The following CORO2A variants were observed in gnomAD, a reference collection of about 807,000 sequenced individuals.
The protein encoded by CORO2A is coronin-2A.
CORO2A carries 47 observed loss-of-function variants against 62.4 expected under a neutral mutation model. The observed-to-expected ratio is 0.75, with a 90% confidence interval of 0.60 to 0.96. CORO2A has a LOEUF of 0.96. CORO2A is among the 40% of genes least tolerant of loss of function. The pLI is 0.00. For synonymous variants in CORO2A, 273 were observed against 268.9 expected (o/e 1.02, Z -0.15); for missense variants, 610 against 684.1 (o/e 0.89, Z 1.21).
chr9:98,166,643 C>A (rs539721750), intron 1 of CORO2A, among the ~76,000 whole-genome samples: 1 of 152,114 alleles, frequency 6.6e-6, no homozygotes, highest in East Asian at 1.9e-4. Flanking sequence ...AACGATCATA[C>A]GATTCAGCAA....
intron 1 of CORO2A, among the ~76,000 whole-genome samples, chr9:98,160,982 A>G (rs1827877514): frequency 6.6e-6 from 1 of 152,208 alleles, no homozygotes. Flanking sequence ...TGCATCTATA[A>G]GGTAGTTGGT....
chr9:98,157,712 G>A, intron 1 of CORO2A, 52 bp from the exon 2 acceptor site: 5 of 1,510,570 alleles, frequency 3.3e-6, no homozygotes, highest in Non-Finnish European at 4.5e-6. Flanking sequence ...CCTGATCATG[G>A]GACACACAGA....
At chr9:98,150,014 C>A (rs1047982106) in intron 2 of CORO2A, among the ~76,000 whole-genome samples, 5 of 151,700 alleles carry the variant, frequency 3.3e-5, no homozygotes, top group Admixed American at 6.6e-5. Flanking sequence ...TCACTGCAAC[C>A]TCCACCTCCT....
chr9:98,123,490 T>C lies in CORO2A; in HGVS notation c.*1284A>G. 1 of 148,956 alleles carries C rather than the reference T, an allele frequency of 6.7e-6. No individual in the cohort carries two copies. The allele number at this position is 148,956 out of a possible 1,614,324, so 9.2% of individuals were successfully genotyped here. A position where few individuals can be genotyped will look rare whatever the true frequency, so the allele number is the denominator to read the frequency against. On this transcript the variant is annotated 3_prime_UTR_variant, in exon 12 of 12. Coordinates refer to ENST00000375077, the MANE Select transcript of CORO2A (RefSeq NM_052820.4). ...TCCTGCTTAGTCTTCCCCTATTCTC[T>C]CTCTCTTTTTTTTTTTTTTTTTGGA...
chr9:98,126,456 C>T (rs1827319907), intron 11 of CORO2A, 93 bp downstream of exon 11: 5 of 1,495,174 alleles, frequency 3.3e-6, no homozygotes, highest in Non-Finnish European at 4.5e-6. Flanking sequence ...TTATTCTTCT[C>T]ATGCCTCATT....
chr9:98,146,806 TG>T (rs1163386931), intron 2 of CORO2A, among the ~76,000 whole-genome samples: 3 of 152,202 alleles, frequency 2.0e-5, no homozygotes, highest in African/African-American at 7.2e-5. Flanking sequence ...CGACCTCATC[TG>T]TGCAATGGGG....
At chr9:98,182,531 C>T (rs923479356) in intron 1 of CORO2A, among the ~76,000 whole-genome samples, 10 of 152,186 alleles carry the variant, frequency 6.6e-5, no homozygotes, top group Non-Finnish European at 1.3e-4. Flanking sequence ...TCTGAGCTGG[C>T]ATTGTGGAGA....
intron 1 of CORO2A, among the ~76,000 whole-genome samples, chr9:98,160,023 G>A (rs376289669): frequency 9.2e-5 from 14 of 152,312 alleles, no homozygotes; most frequent in African/African-American, 2.9e-4. Context: ...AGCGATAAGG[G>A]CCTGACCCCT....
chr9:98,134,562 A>G (rs1268292427), intron 4 of CORO2A, among the ~76,000 whole-genome samples: 1 of 152,178 alleles, frequency 6.6e-6, no homozygotes, highest in Non-Finnish European at 1.5e-5. Context: ...CACAGAGAGA[A>G]GGCCGTGTGA....
At chr9:98,132,436 A>G in intron 5 of CORO2A, 135 bp from the exon 6 acceptor site, 1 of 661,834 alleles carries the variant, frequency 1.5e-6, no homozygotes, top group Non-Finnish European at 2.7e-6. Context: ...CTCTGCCTGG[A>G]GATTCTTCCC....
chr9:98,184,768 G>A (rs58069841), intron 1 of CORO2A, among the ~76,000 whole-genome samples: 48,226 of 151,890 alleles, frequency 0.32, 8,628 homozygotes, highest in African/African-American at 0.5. Context: ...GGGGTGTGTG[G>A]TTAATGGCGG....
At chr9:98,183,999 C>T (rs1475483386) in intron 1 of CORO2A, among the ~76,000 whole-genome samples, 1 of 152,108 alleles carries the variant, frequency 6.6e-6, no homozygotes, top group African/African-American at 2.4e-5. Flanking sequence ...AGTTACATAG[C>T]ATTTACATTG....
rs756457570 is a variant in CORO2A, at chr9:98,157,570, T to C, written c.91A>G (p.Ile31Val). 70 of 1,613,998 alleles carry C rather than the reference T, an allele frequency of 4.3e-5. No homozygotes were observed. The highest frequency in any genetic ancestry group is 5.7e-5 in the Non-Finnish European group (67 of 1,180,012). ...SKENCYDSVP[I>V]TRSVHDNHFC... ...TGGTTGTCGTGAACGCTGCGGGTGA[T>C]AGGCACGGAGTCGTAGCAGTTCTCC... Residue 31 changes from isoleucine to valine, a missense_variant, in exon 2 of 12, where the codon ATC becomes GTC. Ile to Val is a conservative substitution (Grantham distance 29). Coordinates refer to ENST00000375077, the MANE Select transcript of CORO2A (RefSeq NM_052820.4).
intron 1 of CORO2A, among the ~76,000 whole-genome samples, chr9:98,165,832 G>A (rs1213305536): frequency 2.6e-5 from 4 of 152,128 alleles, no homozygotes; most frequent in Non-Finnish European, 5.9e-5. Context: ...CTTTTTATTT[G>A]CAAATTCTCA....
intron 2 of CORO2A, among the ~76,000 whole-genome samples, chr9:98,152,061 C>T (rs1045201927): frequency 6.6e-6 from 1 of 151,774 alleles, no homozygotes; most frequent in Non-Finnish European, 1.5e-5. Context: ...AGATGATCCA[C>T]CTGCCTTGGC....
chr9:98,141,408 G>A (rs1827565770), intron 2 of CORO2A, among the ~76,000 whole-genome samples: 1 of 150,174 alleles, frequency 6.7e-6, no homozygotes, highest in Non-Finnish European at 1.5e-5. Flanking sequence ...CTGGGGTGCA[G>A]CGGTGCGATC....
At chr9:98,148,800 C>A (rs919278769) in intron 2 of CORO2A, among the ~76,000 whole-genome samples, 5 of 132,006 alleles carry the variant, frequency 3.8e-5, no homozygotes, top group African/African-American at 8.5e-5. Context: ...AACACACACA[C>A]ACAAAACACA....
intron 2 of CORO2A, among the ~76,000 whole-genome samples, chr9:98,156,916 G>C (rs1246780250): frequency 6.6e-6 from 1 of 152,154 alleles, no homozygotes; most frequent in Non-Finnish European, 1.5e-5. Context: ...ACTCAGGGTT[G>C]GCATCCTGAA....
rs7861431 is a variant in CORO2A, at chr9:98,132,765, G to A, written c.648+273C>T. On this transcript the variant is annotated intron_variant, in intron 5 of 11. Coordinates refer to ENST00000375077, the MANE Select transcript of CORO2A (RefSeq NM_052820.4). The stretch of plus-strand genomic sequence containing the variant: ...GACCCCCTGGCCAGAGCTGAGGCAC[G>A]CCAACAAGCTTTGGAGTCAGACCAG... Among the ~76,000 whole-genome samples the A allele has an allele frequency of 0.019, 2,932 of 152,302 alleles. 98 individuals are homozygous for A. Among genetic ancestry groups the A allele is most frequent in the African/African-American group, 0.066 (2,752 of 41,560 alleles).
Sources: allele counts gnomAD v4.1 joint callset (sites outside exome capture counted in the v4.1 genomes callset), GRCh38; gene constraint gnomAD v4.1.1; transcripts MANE v1.5; gene names NCBI Gene and HGNC (gene_info 2026-07-23, HGNC 2026-07-21).